Variants in MAPK8 observed in about 807,000 individuals in gnomAD.
The protein encoded by MAPK8 is mitogen-activated protein kinase 8.
Under a neutral mutation model 52.9 loss-of-function variants are expected in MAPK8, and 13 were observed. The observed-to-expected ratio is 0.25, with a 90% CI of 0.16 to 0.39. MAPK8 has a LOEUF of 0.39. Ranked by LOEUF, MAPK8 falls within the 10% of genes least tolerant of loss-of-function variation. The pLI is 1.00. For missense variants in MAPK8, 300 were observed against 519.2 expected (o/e 0.58, Z 4.10); for synonymous variants, 191 against 169.8 (o/e 1.12, Z -0.97).
At position 48,392,884 on chromosome 10, in the gene MAPK8, A is replaced by T. The variant is rs184656475; in HGVS notation, c.-49-8728A>T. Among the ~76,000 whole-genome samples the T allele has an allele frequency of 4.6e-5, 7 of 152,260 alleles. No homozygotes were observed. In the East Asian group the frequency reaches 1.2e-3, roughly 25 times the overall value. On this transcript the variant is annotated intron_variant, in intron 1 of 11. Transcript: ENST00000374189. Reference sequence around the variant, plus strand: ...GTTTCCTTATAAATTTCCCAGTTACATGGCAGCTCATTTTAATCTAGCTTC... The same window carrying T: ...GTTTCCTTATAAATTTCCCAGTTACTTGGCAGCTCATTTTAATCTAGCTTC...
intron 1 of MAPK8, among the ~76,000 whole-genome samples, chr10:48,324,349 A>C (rs557593108): frequency 7.9e-5 from 12 of 152,276 alleles, no homozygotes; most frequent in Admixed American, 5.2e-4. Context: ...GGGGACAATC[A>C]CTGGAGAGTC....
chr10:48,378,975 A>C (rs2040833107), intron 1 of MAPK8, among the ~76,000 whole-genome samples: 1 of 152,170 alleles, frequency 6.6e-6, no homozygotes, highest in Non-Finnish European at 1.5e-5. Context: ...ATTTGCAAAA[A>C]AAGTTTTAGA....
chr10:48,317,932 T>C (rs2132122220), intron 1 of MAPK8, among the ~76,000 whole-genome samples: 1 of 152,096 alleles, frequency 6.6e-6, no homozygotes, highest in African/African-American at 2.4e-5. Context: ...GTCAGCCTGG[T>C]TTTGTGACCC....
chr10:48,377,890 A>G (rs932495726), intron 1 of MAPK8, among the ~76,000 whole-genome samples: 1 of 152,210 alleles, frequency 6.6e-6, no homozygotes, highest in East Asian at 1.9e-4. Context: ...ATGATTTTCT[A>G]TACATTGTTA....
intron 1 of MAPK8, among the ~76,000 whole-genome samples, chr10:48,388,841 T>C (rs2041466451): frequency 6.6e-6 from 1 of 152,176 alleles, no homozygotes; most frequent in East Asian, 1.9e-4. Context: ...ATGGCTCTAC[T>C]ACCTTAGTAT....
At chr10:48,399,519 G>A (rs777126610) in intron 1 of MAPK8, among the ~76,000 whole-genome samples, 6 of 152,140 alleles carry the variant, frequency 3.9e-5, no homozygotes, top group East Asian at 1.9e-4. Context: ...TCTTGTCACC[G>A]TGAATCCCAC....
intron 1 of MAPK8, among the ~76,000 whole-genome samples, chr10:48,332,718 C>T (rs551865815): frequency 1.3e-5 from 2 of 152,198 alleles, no homozygotes; most frequent in Non-Finnish European, 2.9e-5. Flanking sequence ...ACTATGGCTA[C>T]CTCTGCTGGA....
intron 1 of MAPK8, among the ~76,000 whole-genome samples, chr10:48,382,093 T>G (rs753039801): frequency 6.6e-6 from 1 of 152,124 alleles, no homozygotes; most frequent in Non-Finnish European, 1.5e-5. Flanking sequence ...TCCTCACTTG[T>G]TAGAGCCCAG....
At chr10:48,431,569 T>C (rs1189724890) in intron 11 of MAPK8, among the ~76,000 whole-genome samples, 1 of 152,190 alleles carries the variant, frequency 6.6e-6, no homozygotes, top group African/African-American at 2.4e-5. Flanking sequence ...AAATTCAATA[T>C]ACATACCTTT....
At position 48,437,153 on chromosome 10, in the gene MAPK8, A is replaced by C. The variant is rs986891366; in HGVS notation, c.*2124A>C. The C allele has an allele frequency of 2.0e-5, 3 of 152,228 alleles. No individual in the cohort carries two copies. Among genetic ancestry groups the C allele is most frequent in the Admixed American group, 2.0e-4 (3 of 15,294 alleles). 9.4% of individuals were successfully genotyped at this position (152,228 alleles called of 1,614,324 possible). On this transcript the variant is annotated 3_prime_UTR_variant, in exon 12 of 12. Transcript: ENST00000374189. ...CTTGCCAACCATCATGTTCAGTTCA[A>C]TTCAAAGAAAACAAACTCTCATTAC...
rs922137584 is a variant in MAPK8, at chr10:48,424,796, A to C, written c.688+637A>C. ...ACCCTGCTCAATTGTAATTATGCACAATTACTTGCTGGCTTTGAGTTGATT... is the reference window on the plus strand; with the variant it reads ...ACCCTGCTCAATTGTAATTATGCACCATTACTTGCTGGCTTTGAGTTGATT... On this transcript the variant is annotated intron_variant, in intron 7 of 11. Coordinates refer to ENST00000374189, the MANE Select transcript of MAPK8 (RefSeq NM_001323329.2). 5.9e-5 allele frequency among the ~76,000 whole-genome samples: 9 copies of C among 152,240 alleles called. No individual in the cohort carries two copies. The South Asian group carries it at 6.2e-4, about 11-fold the overall frequency.
At chr10:48,309,824 C>G (rs1037021564) in intron 1 of MAPK8, among the ~76,000 whole-genome samples, 1 of 152,150 alleles carries the variant, frequency 6.6e-6, no homozygotes, top group Non-Finnish European at 1.5e-5. Context: ...TTCCAGTGCT[C>G]TAGAGGTCTC....
At chr10:48,426,938 G>A (rs2133247780) in intron 9 of MAPK8, 142 bp from the exon 10 acceptor site, 1 of 611,964 alleles carries the variant, frequency 1.6e-6, no homozygotes, top group East Asian at 2.9e-5. Context: ...TATTATGTCT[G>A]TATAAGTAAG....
At chr10:48,411,020 C>A (rs1435001980) in intron 5 of MAPK8, among the ~76,000 whole-genome samples, 28 of 152,196 alleles carry the variant, frequency 1.8e-4, no homozygotes, top group Non-Finnish European at 8.8e-5. Flanking sequence ...GTATTTCATA[C>A]ATGAAACCTT....
At chr10:48,323,132 C>T (rs1441034177) in intron 1 of MAPK8, among the ~76,000 whole-genome samples, 1 of 151,938 alleles carries the variant, frequency 6.6e-6, no homozygotes, top group Admixed American at 6.6e-5. Context: ...GGGAAATAGC[C>T]TTAGGAATAG....
chr10:48,365,337 A>C (rs1215673407), intron 1 of MAPK8, among the ~76,000 whole-genome samples: 1 of 152,168 alleles, frequency 6.6e-6, no homozygotes, highest in Non-Finnish European at 1.5e-5. Context: ...TTTTCACTGC[A>C]AAGTTGAAAT....
intron 1 of MAPK8, among the ~76,000 whole-genome samples, chr10:48,325,494 T>G (rs1350495196): frequency 6.6e-6 from 1 of 152,234 alleles, no homozygotes; most frequent in Non-Finnish European, 1.5e-5. Flanking sequence ...AGAAGTTTTA[T>G]GATCATTTCA....
At chr10:48,340,188 G>A (rs774153250) in intron 1 of MAPK8, among the ~76,000 whole-genome samples, 16 of 152,116 alleles carry the variant, frequency 1.1e-4, no homozygotes, top group Non-Finnish European at 2.1e-4. Flanking sequence ...AAGAAAATGT[G>A]GTACATATGC....
At chr10:48,354,571 G>T (rs1322741397) in intron 1 of MAPK8, among the ~76,000 whole-genome samples, 1 of 152,190 alleles carries the variant, frequency 6.6e-6, no homozygotes, top group Non-Finnish European at 1.5e-5. Context: ...TCCCCAGAGT[G>T]TAAGATTCAG....
Sources: allele counts gnomAD v4.1 joint callset (sites outside exome capture counted in the v4.1 genomes callset), GRCh38; gene constraint gnomAD v4.1.1; transcripts MANE v1.5; gene names NCBI Gene and HGNC (gene_info 2026-07-23, HGNC 2026-07-21).